GRM2: variants seen among roughly 807,000 people sequenced by gnomAD.
GRM2 encodes glutamate metabotropic receptor 2.
A neutral mutation model predicts 60.4 loss-of-function variants in GRM2; 35 were observed. That is an observed-to-expected ratio of 0.58 (90% CI 0.44 to 0.77). The LOEUF is 0.77. Among genes scored for constraint, GRM2 ranks in the 30% least tolerant of loss-of-function variants. The pLI is 0.00. For synonymous variants in GRM2, 437 were observed against 484.1 expected (o/e 0.90, Z 1.28); for missense variants, 925 against 1,199.5 (o/e 0.77, Z 3.38).
chr3:51,715,997 T>G lies in GRM2; in HGVS notation c.2224T>G (p.Cys742Gly). Reference protein sequence around the residue: ...LAYNVLLIALCTLYAFKTRKC... With the variant: ...LAYNVLLIALGTLYAFKTRKC... ...CTACAATGTGCTCCTCATCGCGCTC[T>G]GCACGCTTTATGCCTTCAAGACTCG... is the stretch of plus-strand genomic sequence containing the variant. Residue 742 changes from cysteine (C) to glycine (G), a missense_variant, in exon 4 of 6, where the codon TGC (cysteine) becomes GGC (glycine). Transcript: ENST00000395052. The surrounding 1 kb of genome is among the most constrained non-coding windows in gnomAD (Gnocchi z 9.0). 1 of 1,614,260 alleles carries G rather than the reference T, an allele frequency of 6.2e-7. No homozygotes were observed. Among genetic ancestry groups the G allele is most frequent in the Non-Finnish European group, 8.5e-7 (1 of 1,180,048 alleles).
rs993369620 is a variant in GRM2 at position 51,715,396 on chromosome 3, C to T, written c.1623C>T (p.Gly541=). The T allele has an allele frequency of 1.9e-6, 3 of 1,613,564 alleles. No homozygotes were observed. The highest frequency in any genetic ancestry group is 1.3e-5 in the African/African-American group (1 of 75,080). ...RLDEFTCADC[G]LGYWPNASLT... The stretch of plus-strand genomic sequence containing the variant: ...ACGAATTCACTTGCGCTGATTGTGG[C>T]CTGGGCTACTGGCCCAATGCCAGCC... Residue 541 remains glycine (G), a synonymous_variant, in exon 4 of 6, where the codon GGC becomes GGT. Transcript: ENST00000395052. The surrounding 1 kb of genome is among the most constrained non-coding windows in gnomAD (Gnocchi z 9.0).
In GRM2 at chr3:51,712,581, C is replaced by T; in HGVS notation, c.559C>T (p.Pro187Ser). ...RYDYFARTVP[P>S]DFFQAKAMAE... is the part of the protein sequence containing the mutation. ...TGACTACTTTGCCCGCACAGTGCCTCCTGACTTCTTCCAAGCCAAGGCCAT... is the reference window on the plus strand; with the variant it reads ...TGACTACTTTGCCCGCACAGTGCCTTCTGACTTCTTCCAAGCCAAGGCCAT... Residue 187 changes from proline to serine, a missense_variant, in exon 3 of 6, where the codon CCT (proline) becomes TCT (serine). Coordinates refer to ENST00000395052, the MANE Select transcript of GRM2 (RefSeq NM_000839.5). The surrounding 1 kb of genome is among the most constrained non-coding windows in gnomAD (Gnocchi z 5.3). The T allele has an allele frequency of 6.2e-7, 1 of 1,614,162 alleles. No individual in the cohort carries two copies. The highest frequency in any genetic ancestry group is 1.1e-5 in the South Asian group (1 of 91,090).
rs558370135 is a variant in GRM2, at chr3:51,709,415, C to T, written c.432C>T (p.Tyr144=). ...TCACTGGTGTTATTGGCGGTTCCTA[C>T]AGTGATGTCTCCATCCAGGTACGTG... ...TAITGVIGGS[Y]SDVSIQVANL... Residue 144 remains tyrosine, a synonymous_variant, in exon 2 of 6, where the codon TAC becomes TAT. Transcript: ENST00000395052. 15 of 1,559,198 alleles carry T rather than the reference C, an allele frequency of 9.6e-6. No individual in the cohort carries two copies. Among genetic ancestry groups the T allele is most frequent in the Non-Finnish European group, 1.3e-5 (15 of 1,142,856 alleles).
rs539207150 is a variant in GRM2, at chr3:51,718,532, G to A, written c.*420G>A. On this transcript the variant is annotated 3_prime_UTR_variant, in exon 6 of 6. Transcript: ENST00000395052. The surrounding 1 kb of genome is among the most constrained non-coding windows in gnomAD (Gnocchi z 4.2). ...GGATGGGGAGGGTGGTTATTGTGGG[G>A]GCTGCCCCTCCCCCTGCACAGTAGT... 6.9e-5 allele frequency: 13 copies of A among 187,702 alleles called. No individual in the cohort carries two copies. Among genetic ancestry groups the A allele is most frequent in the Non-Finnish European group, 1.0e-4 (9 of 90,364 alleles). The allele number at this position is 187,702 out of a possible 1,614,324, so 11.6% of individuals were successfully genotyped here.
chr3:51,714,102 G>A lies in GRM2; in HGVS notation c.1288+792G>A, dbSNP rs1174529003. ...TGGGAGACAAAGCTTGGAAGCCCTG[G>A]CCCAGGGTTAAGATGAAGAGTACTT... On this transcript the variant is annotated intron_variant, in intron 3 of 5. Transcript: ENST00000395052. 5.6e-5 allele frequency: 21 copies of A among 377,120 alleles called. No individual in the cohort carries two copies. The Admixed American group carries it at 6.5e-4, about 12-fold the overall frequency. 23.4% of individuals were successfully genotyped at this position (377,120 alleles called of 1,614,324 possible).
In GRM2 at chr3:51,717,720, C is replaced by T. The variant is rs753066025; in HGVS notation, c.2448C>T (p.Ile816=). 1 of 1,614,162 alleles carries T rather than the reference C, an allele frequency of 6.2e-7. No individual in the cohort carries two copies. The highest frequency in any genetic ancestry group is 2.2e-5 in the East Asian group (1 of 44,884). ...LGCLFAPKLH[I]ILFQPQKNVV... ...GCCTCTTTGCGCCCAAGCTGCACATCATCCTCTTCCAGCCGCAGAAGAACG... is the reference window on the plus strand; with the variant it reads ...GCCTCTTTGCGCCCAAGCTGCACATTATCCTCTTCCAGCCGCAGAAGAACG... The change falls in exon 5 of 6, where the codon ATC becomes ATT. Residue 816 remains isoleucine (I), a synonymous_variant. Coordinates refer to ENST00000395052, the MANE Select transcript of GRM2 (RefSeq NM_000839.5). This position sits in a 1 kb window ranked among gnomAD's most constrained non-coding sequence, Gnocchi z 6.0.
At chr3:51,707,239 T>C (rs898335058) in intron 1 of GRM2, 72 bp downstream of exon 1, 1 of 152,482 alleles carries the variant, frequency 6.6e-6, no homozygotes, top group African/African-American at 2.4e-5. Flanking sequence ...CGTCCCAGGG[T>C]CCTGCGGGCC....
chr3:51,710,049 G>T (rs966255866), intron 2 of GRM2, among the ~76,000 whole-genome samples: 5 of 151,346 alleles, frequency 3.3e-5, no homozygotes, highest in African/African-American at 1.2e-4. Flanking sequence ...GAGTGCAGTG[G>T]TGAGATCTCA....
At chr3:51,707,721 A>G (rs919243525) in intron 1 of GRM2, 5 of 152,450 alleles carry the variant, frequency 3.3e-5, no homozygotes, top group African/African-American at 1.2e-4. Flanking sequence ...TGAGGGGGCA[A>G]AATGAAGAGG....
In GRM2 at chr3:51,712,237, T is replaced by C. The variant is rs1037422295; in HGVS notation, c.451-236T>C. 6.6e-5 allele frequency among the ~76,000 whole-genome samples: 10 copies of C among 152,118 alleles called. No homozygotes were observed. In the South Asian group the frequency reaches 2.1e-3, roughly 31 times the overall value. On this transcript the variant is annotated intron_variant, in intron 2 of 5. Coordinates refer to ENST00000395052, the MANE Select transcript of GRM2 (RefSeq NM_000839.5). The surrounding 1 kb of genome is among the most constrained non-coding windows in gnomAD (Gnocchi z 5.3). ...GATGGCAGAGGGGATCAGGTGTGGC[T>C]CATGACCCTGGTGTCTCCACCCTGG...
rs1328898703 is a variant in GRM2 at position 51,712,324 on chromosome 3, G to A, written c.451-149G>A. ...AACTCCCTAGCCCAGAGGGAAGACT[G>A]TCAAGTCAGGATGCAGGGCTTTAGA... is the stretch of plus-strand genomic sequence containing the variant. On this transcript the variant is annotated intron_variant, in intron 2 of 5. Coordinates refer to ENST00000395052, the MANE Select transcript of GRM2 (RefSeq NM_000839.5). This position sits in a 1 kb window ranked among gnomAD's most constrained non-coding sequence, Gnocchi z 5.3. 5 of 670,040 alleles carry A rather than the reference G, an allele frequency of 7.5e-6. No homozygotes were observed. The highest frequency in any genetic ancestry group is 2.4e-5 in the Admixed American group (1 of 42,164). The allele number at this position is 670,040 out of a possible 1,614,324, so 41.5% of individuals were successfully genotyped here.
chr3:51,709,697 T>TCA (rs1243631413), intron 2 of GRM2, among the ~76,000 whole-genome samples: 1 of 3,108 alleles, frequency 3.2e-4, no homozygotes, highest in African/African-American at 1.5e-3. Flanking sequence ...CCACACACCC[T>TCA]CACACACACA....
rs1192591446 is a variant in GRM2, at chr3:51,713,443, G to A, written c.1288+133G>A. On this transcript the variant is annotated intron_variant, in intron 3 of 5. Coordinates refer to ENST00000395052, the MANE Select transcript of GRM2 (RefSeq NM_000839.5). The surrounding 1 kb of genome is among the most constrained non-coding windows in gnomAD (Gnocchi z 4.8). ...AGGACTCACCTGGGGTGGCGTCAGA[G>A]CAAGGGCAAGGATGCTAGGCAGAGA... is the stretch of plus-strand genomic sequence containing the variant. 1 of 661,232 alleles carries A rather than the reference G, an allele frequency of 1.5e-6. No individual in the cohort carries two copies. Among genetic ancestry groups the A allele is most frequent in the Non-Finnish European group, 2.6e-6 (1 of 385,304 alleles). The allele number at this position is 661,232 out of a possible 1,614,324, so 41.0% of individuals were successfully genotyped here. A position where few individuals can be genotyped will look rare whatever the true frequency, so the allele number is the denominator to read the frequency against.
chr3:51,707,846 G>A (rs892085072), intron 1 of GRM2: 8 of 152,296 alleles, frequency 5.3e-5, no homozygotes, highest in African/African-American at 1.7e-4. Flanking sequence ...GCCTTTCCAA[G>A]CCTGTGTGAT....
chr3:51,716,032 C>T lies in GRM2; in HGVS notation c.2259C>T (p.Pro753=), dbSNP rs1283247052. ...TLYAFKTRKC[P]ENFNEAKFIG... Reference sequence around the variant, plus strand: ...ATGCCTTCAAGACTCGCAAGTGCCCCGAAAACTTCAACGAGGCCAAGTTCA... The same window carrying T: ...ATGCCTTCAAGACTCGCAAGTGCCCTGAAAACTTCAACGAGGCCAAGTTCA... The change falls in exon 4 of 6, where the codon CCC becomes CCT. Residue 753 remains proline (P), a synonymous_variant. Transcript: ENST00000395052. The surrounding 1 kb of genome is among the most constrained non-coding windows in gnomAD (Gnocchi z 4.0). 6.8e-6 allele frequency: 11 copies of T among 1,614,100 alleles called. No homozygotes were observed. The highest frequency in any genetic ancestry group is 4.0e-5 in the African/African-American group (3 of 74,936).
At position 51,715,065 on chromosome 3, in the gene GRM2, C is replaced by A; in HGVS notation, c.1292C>A (p.Pro431His). The change falls in exon 4 of 6, where the codon CCC becomes CAC. Residue 431 changes from proline to histidine, a missense_variant. Transcript: ENST00000395052. The surrounding 1 kb of genome is among the most constrained non-coding windows in gnomAD (Gnocchi z 9.0). Reference sequence around the variant, plus strand: ...TTCCTTCCCTCCCCCATCCTAGCCCCCTTTCGCCCAGCTGACACCCACAAT... The same window carrying A: ...TTCCTTCCCTCCCCCATCCTAGCCCACTTTCGCCCAGCTGACACCCACAAT... ...DFVLNVKFDA[P>H]FRPADTHNEV... 6.5e-7 allele frequency: 1 copy of A among 1,543,598 alleles called. No homozygotes were observed. The highest frequency in any genetic ancestry group is 1.9e-5 in the Admixed American group (1 of 52,950).
rs1353411231 is a variant in GRM2, at chr3:51,717,699, C to T, written c.2427C>T (p.Leu809=). Reference sequence around the variant, plus strand: ...GCGGCTCCGTGGTGCTTGGCTGCCTCTTTGCGCCCAAGCTGCACATCATCC... The same window carrying T: ...GCGGCTCCGTGGTGCTTGGCTGCCTTTTTGCGCCCAAGCTGCACATCATCC... ...SLSGSVVLGC[L]FAPKLHIILF... is the part of the protein sequence containing the mutation. The change falls in exon 5 of 6, where the codon CTC becomes CTT. Residue 809 remains leucine (L), a synonymous_variant. Coordinates refer to ENST00000395052, the MANE Select transcript of GRM2 (RefSeq NM_000839.5). The surrounding 1 kb of genome is among the most constrained non-coding windows in gnomAD (Gnocchi z 6.0). 2 of 1,614,072 alleles carry T rather than the reference C, an allele frequency of 1.2e-6. No individual in the cohort carries two copies. The highest frequency in any genetic ancestry group is 1.7e-6 in the Non-Finnish European group (2 of 1,179,978).
At position 51,716,231 on chromosome 3, in the gene GRM2, AAGAGGATAATGCCCACTCAGGGGAC is replaced by A; in HGVS notation, c.2364+95_2364+119del. 3 of 865,282 alleles carry A rather than the reference AAGAGGATAATGCCCACTCAGGGGAC, an allele frequency of 3.5e-6. No homozygotes were observed. Among genetic ancestry groups the A allele is most frequent in the Non-Finnish European group, 5.5e-6 (3 of 545,136 alleles). 53.6% of individuals were successfully genotyped at this position (865,282 alleles called of 1,614,324 possible). A position where few individuals can be genotyped will look rare whatever the true frequency, so the allele number is the denominator to read the frequency against. ...AATCTACTGGTAGCTCTGGGGTTCCAAGAGGATAATGCCCACTCAGGGGACCACAGCTTGTGTGGATCCCAAGGGG... is the reference window on the plus strand; with the variant it reads ...AATCTACTGGTAGCTCTGGGGTTCCACACAGCTTGTGTGGATCCCAAGGGG... On this transcript the variant is annotated intron_variant, in intron 4 of 5. Coordinates refer to ENST00000395052, the MANE Select transcript of GRM2 (RefSeq NM_000839.5). The surrounding 1 kb of genome is among the most constrained non-coding windows in gnomAD (Gnocchi z 4.0).
intron 1 of GRM2, chr3:51,708,250 GTC>G (rs1703573868): frequency 6.6e-6 from 1 of 152,134 alleles, no homozygotes; most frequent in Non-Finnish European, 1.5e-5. Flanking sequence ...AGGGCTTAGT[GTC>G]TCTATTCCTT....
Sources: allele counts gnomAD v4.1 joint callset (sites outside exome capture counted in the v4.1 genomes callset), GRCh38; gene constraint gnomAD v4.1.1; non-coding constraint Gnocchi (gnomAD v3.1); transcripts MANE v1.5; gene names NCBI Gene and HGNC (gene_info 2026-07-23, HGNC 2026-07-21).